CASR: variants seen among roughly 807,000 people sequenced by gnomAD.
The protein encoded by CASR is extracellular calcium-sensing receptor.
A neutral mutation model predicts 69.1 loss-of-function variants in CASR; 23 were observed. The ratio of observed to expected loss-of-function variants is 0.33; its 90% CI spans 0.24 to 0.47. The LOEUF (loss-of-function observed/expected upper bound fraction) is 0.47. Ranked by LOEUF, CASR falls within the 20% of genes least tolerant of loss-of-function variation. CASR has a pLI of 1.00. For synonymous variants in CASR, 541 were observed against 544.7 expected, an observed-to-expected ratio of 0.99 and a Z score of 0.10; for missense variants, 924 against 1,356.1, an observed-to-expected ratio of 0.68 and a Z score of 5.00.
chr3:122,265,094 T>C (rs571444617), intron 4 of CASR, among the ~76,000 whole-genome samples: 83 of 152,322 alleles, frequency 5.4e-4, no homozygotes, highest in African/African-American at 1.9e-3. Context: ...ACCAGGAACA[T>C]TTAAATTGTT....
At chr3:122,198,574 ATTT>A (rs1045705023) in intron 1 of CASR, among the ~76,000 whole-genome samples, 1 of 151,840 alleles carries the variant, frequency 6.6e-6, no homozygotes. Flanking sequence ...TTTTTGAGGG[ATTT>A]TTTATTTTTT....
At chr3:122,269,288 A>G (rs2074729423) in intron 4 of CASR, among the ~76,000 whole-genome samples, 2 of 152,220 alleles carry the variant, frequency 1.3e-5, no homozygotes, top group South Asian at 4.1e-4. Flanking sequence ...GAGGACAGAC[A>G]TTACTGTCTG....
intron 4 of CASR, among the ~76,000 whole-genome samples, chr3:122,267,396 A>C (rs1300599668): frequency 1.3e-5 from 2 of 152,246 alleles, no homozygotes; most frequent in Non-Finnish European, 2.9e-5. Flanking sequence ...GACATAGTAC[A>C]ATACAATTCA....
At chr3:122,211,432 G>A (rs1028691755) in intron 1 of CASR, among the ~76,000 whole-genome samples, 1 of 152,176 alleles carries the variant, frequency 6.6e-6, no homozygotes, top group African/African-American at 2.4e-5. Flanking sequence ...AAGGGGCCAG[G>A]CACAGGGGCT....
chr3:122,253,276 T>C (rs1209825562), intron 1 of CASR, among the ~76,000 whole-genome samples: 2 of 152,232 alleles, frequency 1.3e-5, no homozygotes, highest in Non-Finnish European at 2.9e-5. Context: ...AGTTTCACTC[T>C]TGTTGCCCAG....
chr3:122,202,383 G>GGCTCAGCATCAGAGGAA (rs1317331920), intron 1 of CASR, among the ~76,000 whole-genome samples: 1 of 151,788 alleles, frequency 6.6e-6, no homozygotes, highest in Admixed American at 6.6e-5. Context: ...GTCCAGCTTC[G>GGCTCAGCATCAGAGGAA]GCTCAGCATC....
chr3:122,206,280 A>G (rs1467087777), intron 1 of CASR, among the ~76,000 whole-genome samples: 1 of 144,514 alleles, frequency 6.9e-6, no homozygotes, highest in South Asian at 2.2e-4. Flanking sequence ...TTTTTTTTTT[A>G]TCATAAAGAT....
At chr3:122,196,171 G>A (rs1031157218) in intron 1 of CASR, among the ~76,000 whole-genome samples, 1 of 152,128 alleles carries the variant, frequency 6.6e-6, no homozygotes, top group Non-Finnish European at 1.5e-5. Flanking sequence ...ACTATGTAGT[G>A]ACATAGAAAT....
chr3:122,260,544 C>A (rs897104058), intron 3 of CASR, among the ~76,000 whole-genome samples: 7 of 152,154 alleles, frequency 4.6e-5, no homozygotes, highest in Non-Finnish European at 1.0e-4. Flanking sequence ...AAGGTGCTTC[C>A]CAATGGAAGA....
chr3:122,281,829 C>T (rs913682800), intron 5 of CASR, among the ~76,000 whole-genome samples: 1 of 152,056 alleles, frequency 6.6e-6, no homozygotes, highest in African/African-American at 2.4e-5. Context: ...GCGCTTTTCC[C>T]AGATCATCAT....
intron 1 of CASR, among the ~76,000 whole-genome samples, chr3:122,202,291 G>A (rs147431877): frequency 0.03 from 4,609 of 152,346 alleles, 107 homozygotes; most frequent in South Asian, 0.067. Flanking sequence ...GGTGGCGCGC[G>A]CCTGCAATGG....
intron 2 of CASR, among the ~76,000 whole-genome samples, chr3:122,255,448 A>G (rs1383558473): frequency 1.3e-5 from 2 of 152,212 alleles, no homozygotes; most frequent in African/African-American, 4.8e-5. Flanking sequence ...TAAATTGATA[A>G]TATTTTCACA....
At chr3:122,259,502 A>G (rs1300236597) in intron 3 of CASR, among the ~76,000 whole-genome samples, 2 of 152,238 alleles carry the variant, frequency 1.3e-5, no homozygotes, top group South Asian at 2.1e-4. Context: ...CTTCTAAAAT[A>G]AAAGCTCTTG....
chr3:122,275,410 C>T (rs375111258), intron 4 of CASR, among the ~76,000 whole-genome samples: 68 of 152,204 alleles, frequency 4.5e-4, no homozygotes, highest in Non-Finnish European at 7.8e-4. Flanking sequence ...AGTCATTTCT[C>T]CTGTCCTTCC....
At chr3:122,206,245 C>T (rs1425477378) in intron 1 of CASR, among the ~76,000 whole-genome samples, 2 of 146,010 alleles carry the variant, frequency 1.4e-5, no homozygotes, top group Non-Finnish European at 1.5e-5. Flanking sequence ...AGGTATGATC[C>T]TTCTATGCCC....
chr3:122,252,213 T>G (rs1576849874), intron 1 of CASR, among the ~76,000 whole-genome samples: 2 of 151,284 alleles, frequency 1.3e-5, no homozygotes, highest in East Asian at 3.9e-4. Flanking sequence ...GTGAGAGGAC[T>G]GCTTGAGTCT....
intron 4 of CASR, among the ~76,000 whole-genome samples, chr3:122,272,126 C>T (rs1434026480): frequency 2.0e-5 from 3 of 149,338 alleles, no homozygotes; most frequent in South Asian, 4.3e-4. Context: ...CACACACACA[C>T]GAGTAGGATT....
At chr3:122,200,361 A>C (rs1364943497) in intron 1 of CASR, among the ~76,000 whole-genome samples, 2 of 152,232 alleles carry the variant, frequency 1.3e-5, no homozygotes, top group Non-Finnish European at 2.9e-5. Flanking sequence ...TGTCAAATAA[A>C]AATCATAATG....
intron 5 of CASR, among the ~76,000 whole-genome samples, chr3:122,279,727 T>G (rs2074865109): frequency 6.6e-6 from 1 of 152,206 alleles, no homozygotes; most frequent in Non-Finnish European, 1.5e-5. Context: ...AACAAAAATT[T>G]CATTAATCTA....
Sources: allele counts gnomAD v4.1 joint callset (sites outside exome capture counted in the v4.1 genomes callset), GRCh38; gene constraint gnomAD v4.1.1; transcripts MANE v1.5; gene names NCBI Gene and HGNC (gene_info 2026-07-23, HGNC 2026-07-21).